CHD7: variants seen among roughly 807,000 people sequenced by gnomAD.
The protein encoded by CHD7 is ATP-dependent chromatin remodeler CHD7.
In CHD7, 24 loss-of-function variants were observed where a neutral mutation model predicts 307.3. The observed-to-expected ratio is 0.08, with a 90% CI of 0.06 to 0.11. The LOEUF (loss-of-function observed/expected upper bound fraction) is 0.11, where lower values mean the gene tolerates loss of function less well. CHD7 is among the 10% of genes least tolerant of loss of function. The pLI, the probability that CHD7 is intolerant of heterozygous loss-of-function variation, is 1.00. For synonymous variants in CHD7, 1,363 were observed against 1,349.9 expected (o/e 1.01, Z -0.21); for missense variants, 3,106 against 3,727.1 (o/e 0.83, Z 4.34).
intron 1 of CHD7, among the ~76,000 whole-genome samples, chr8:60,683,209 T>G (rs1381773810): frequency 6.6e-6 from 1 of 152,240 alleles, no homozygotes; most frequent in Non-Finnish European, 1.5e-5. Flanking sequence ...TCTATAAAAC[T>G]TTATTATTTA....
intron 4 of CHD7, among the ~76,000 whole-genome samples, chr8:60,796,194 C>A (rs950914572): frequency 2.0e-5 from 3 of 152,090 alleles, no homozygotes; most frequent in African/African-American, 4.8e-5. Flanking sequence ...TGGTTTAGTT[C>A]GGTTTGGTTG....
intron 3 of CHD7, among the ~76,000 whole-genome samples, chr8:60,794,682 T>C (rs1811933506): frequency 6.6e-6 from 1 of 152,240 alleles, no homozygotes; most frequent in African/African-American, 2.4e-5. Context: ...ATAGCAAAAC[T>C]ACTTCTTAAT....
chr8:60,725,171 T>C (rs1385973944), intron 1 of CHD7, among the ~76,000 whole-genome samples: 2 of 152,228 alleles, frequency 1.3e-5, no homozygotes, highest in African/African-American at 2.4e-5. Context: ...AGCTAGCAGC[T>C]TGAGTTCCTA....
chr8:60,831,990 C>T (rs1373667279), intron 15 of CHD7, among the ~76,000 whole-genome samples: 1 of 151,844 alleles, frequency 6.6e-6, no homozygotes, highest in African/African-American at 2.4e-5. Context: ...TGTGATGCGA[C>T]GAATCAGTGA....
chr8:60,856,448 G>T lies in CHD7; in HGVS notation c.7168G>T (p.Asp2390Tyr). The change falls in exon 34 of 38, where the codon GAT becomes TAT. Residue 2390 changes from aspartate to tyrosine, a missense_variant. Around this residue, in one of 10 missense-constraint regions of CHD7, gnomAD observed 1,030 missense variants for 1,165.4 expected, o/e 0.88. Transcript: ENST00000423902. ...TTCTGTTGGAATTTTTCAATAGGAA[G>T]ATGCCCTCAACCTCTCTGTCCCTCG... The part of the protein sequence containing the change: ...ITTSPQLSKE[D>Y]ALNLSVPRQR... The T allele has an allele frequency of 6.2e-7, 1 of 1,607,380 alleles. No individual in the cohort carries two copies.
At position 60,865,174 on chromosome 8, in the gene CHD7, G is replaced by T; in HGVS notation, c.8235G>T (p.Leu2745=). Residue 2745 remains leucine (L), a synonymous_variant, in exon 38 of 38, where the codon CTG becomes CTT. Coordinates refer to ENST00000423902, the MANE Select transcript of CHD7 (RefSeq NM_017780.4). The surrounding 1 kb of genome is among the most constrained non-coding windows in gnomAD (Gnocchi z 4.3). ...CCACGTCAGGGATCAACCCTTTGCTGGTGAACAGCCTGTTTGCTGGAATGG... is the reference window on the plus strand; with the variant it reads ...CCACGTCAGGGATCAACCCTTTGCTTGTGAACAGCCTGTTTGCTGGAATGG... ...VASTSGINPL[L]VNSLFAGMDL... The T allele has an allele frequency of 6.2e-7, 1 of 1,612,180 alleles. No homozygotes were observed. Among genetic ancestry groups the T allele is most frequent in the African/African-American group, 1.3e-5 (1 of 75,040 alleles).
At position 60,845,365 on chromosome 8, in the gene CHD7, C is replaced by G; in HGVS notation, c.5166C>G (p.Phe1722Leu). Residue 1722 changes from phenylalanine to leucine, a missense_variant, in exon 23 of 38, where the codon TTC (phenylalanine) becomes TTG (leucine). By Grantham distance (22) the Phe-to-Leu change is conservative. This residue lies in a region of CHD7 where 1,030 missense variants were observed against 1,165.4 expected (regional missense o/e 0.88). Coordinates refer to ENST00000423902, the MANE Select transcript of CHD7 (RefSeq NM_017780.4). ...WLASCNPDALFQEDSYKKHLK... is the reference protein window; with the variant it reads ...WLASCNPDALLQEDSYKKHLK... ...CCAGCTGCAACCCAGATGCCCTGTT[C>G]CAGGAGGACAGCTACAAGAAACACC... The G allele has an allele frequency of 6.2e-7, 1 of 1,613,974 alleles. No homozygotes were observed. The highest frequency in any genetic ancestry group is 1.7e-4 in the Middle Eastern group (1 of 6,060).
intron 7 of CHD7, among the ~76,000 whole-genome samples, chr8:60,816,160 A>G (rs1275043840): frequency 7.5e-6 from 1 of 133,552 alleles, no homozygotes; most frequent in East Asian, 2.0e-4. Flanking sequence ...TCTCTGTAAC[A>G]GGTAAGAGAG....
chr8:60,746,662 C>A (rs916395467), intron 2 of CHD7, among the ~76,000 whole-genome samples: 3 of 152,182 alleles, frequency 2.0e-5, no homozygotes, highest in African/African-American at 7.2e-5. Context: ...TTATGTGTTT[C>A]CTGGCTTCTG....
In CHD7 at chr8:60,837,949, AT is replaced by A. The variant is rs1804811015; in HGVS notation, c.4353+118del. 14 of 1,262,786 alleles carry A rather than the reference AT, an allele frequency of 1.1e-5. No homozygotes were observed. In the East Asian group the frequency reaches 3.6e-4, roughly 32 times the overall value. The allele number at this position is 1,262,786 out of a possible 1,614,324, so 78.2% of individuals were successfully genotyped here. A position where few individuals can be genotyped will look rare whatever the true frequency, so the allele number is the denominator to read the frequency against. On this transcript the variant is annotated intron_variant, in intron 18 of 37. Transcript: ENST00000423902. ...TTTTCGACCTCAATATTTTAAGTGTATTTTGTAACACTTTCCTTTGTTATAA... is the reference window on the plus strand; with the variant it reads ...TTTTCGACCTCAATATTTTAAGTGTATTTGTAACACTTTCCTTTGTTATAA...
Position 60,867,722 on chromosome 8 carries a change from G to A in CHD7, c.*1789G>A, listed in dbSNP as rs899701462. On this transcript the variant is annotated 3_prime_UTR_variant, in exon 38 of 38. Coordinates refer to ENST00000423902, the MANE Select transcript of CHD7 (RefSeq NM_017780.4). The stretch of plus-strand genomic sequence containing the variant: ...CCTCCCAGACTGTGAGATTCAGTTC[G>A]TTTATGCCCCAAGATGAAAATATGC... 14 of 152,142 alleles carry A rather than the reference G, an allele frequency of 9.2e-5. No homozygotes were observed. The highest frequency in any genetic ancestry group is 1.3e-4 in the Non-Finnish European group (9 of 68,030). The allele number at this position is 152,142 out of a possible 1,614,324, so 9.4% of individuals were successfully genotyped here.
intron 1 of CHD7, among the ~76,000 whole-genome samples, chr8:60,723,335 A>G (rs1808003190): frequency 6.6e-6 from 1 of 152,206 alleles, no homozygotes; most frequent in African/African-American, 2.4e-5. Context: ...TCAAGTCTGT[A>G]TAACCGTAGT....
rs1374888110 is a variant in CHD7, at chr8:60,822,589, T to C, written c.3044T>C (p.Ile1015Thr). ...TFLYEIYLKGIHGPFLVIAPL... is the reference protein window; with the variant it reads ...TFLYEIYLKGTHGPFLVIAPL... ...CTCTATGAGATATATTTGAAAGGAATCCATGGCCCTTTTTTAGTAATTGCC... is the reference window on the plus strand; with the variant it reads ...CTCTATGAGATATATTTGAAAGGAACCCATGGCCCTTTTTTAGTAATTGCC... Residue 1015 changes from isoleucine (I) to threonine (T), a missense_variant, in exon 12 of 38, where the codon ATC becomes ACC. Coordinates refer to ENST00000423902, the MANE Select transcript of CHD7 (RefSeq NM_017780.4). 5.0e-6 allele frequency: 8 copies of C among 1,613,744 alleles called. No individual in the cohort carries two copies. The highest frequency in any genetic ancestry group is 6.8e-6 in the Non-Finnish European group (8 of 1,179,764).
At chr8:60,848,664 C>T (rs1265949576) in intron 24 of CHD7, 60 bp downstream of exon 24, 5 of 1,314,090 alleles carry the variant, frequency 3.8e-6, no homozygotes, top group Non-Finnish European at 2.2e-6. Context: ...AGCCGGAAAA[C>T]ATCATGGATT....
intron 24 of CHD7, among the ~76,000 whole-genome samples, 175 bp from the exon 25 acceptor site, chr8:60,848,876 A>G (rs1486248196): frequency 6.6e-6 from 1 of 152,172 alleles, no homozygotes; most frequent in Non-Finnish European, 1.5e-5. Flanking sequence ...GATAAAGTTC[A>G]TTTCTGGTCA....
At chr8:60,712,154 AGTT>A (rs1261728829) in intron 1 of CHD7, among the ~76,000 whole-genome samples, 2 of 152,262 alleles carry the variant, frequency 1.3e-5, no homozygotes, top group African/African-American at 4.8e-5. Context: ...TGGCAACTAC[AGTT>A]GTTTCATTAA....
At position 60,818,712 on chromosome 8, in the gene CHD7, C is replaced by T. The variant is rs963917458; in HGVS notation, c.2614-1295C>T. On this transcript the variant is annotated intron_variant, in intron 8 of 37. Transcript: ENST00000423902. ...TCCCAACTGGGTGTTTTAAGAGGGC[C>T]GAATAGCCAGAGAAAGTTTGTTGTT... 6.6e-5 allele frequency among the ~76,000 whole-genome samples: 10 copies of T among 152,174 alleles called. No individual in the cohort carries two copies. In the East Asian group the frequency reaches 1.7e-3, roughly 26 times the overall value.
At chr8:60,705,831 T>A (rs145702334) in intron 1 of CHD7, among the ~76,000 whole-genome samples, 2 of 152,328 alleles carry the variant, frequency 1.3e-5, no homozygotes, top group East Asian at 3.9e-4. Flanking sequence ...TCCTATGAAT[T>A]GATTAACATT....
intron 1 of CHD7, among the ~76,000 whole-genome samples, chr8:60,686,618 GT>G (rs1223575989): frequency 6.6e-6 from 1 of 152,178 alleles, no homozygotes; most frequent in Non-Finnish European, 1.5e-5. Context: ...TCAGGATGAG[GT>G]TGGGCAAATA....
Sources: gnomAD v4.1 joint callset for allele counts (sites outside exome capture counted in the v4.1 genomes callset) on GRCh38, gnomAD v4.1.1 for gene constraint, gnomAD v4.1.1 regional missense constraint, Gnocchi (gnomAD v3.1) non-coding constraint, MANE v1.5 for transcripts, NCBI Gene and HGNC (gene_info 2026-07-23, HGNC 2026-07-21) for gene names.